Variants in SVEP1 observed in about 807,000 individuals in gnomAD.
SVEP1 encodes sushi, von Willebrand factor type A, EGF and pentraxin domain-containing protein 1.
Under a neutral mutation model 367.3 loss-of-function variants are expected in SVEP1, and 164 were observed. The observed-to-expected ratio is 0.45, with a 90% CI of 0.39 to 0.51. SVEP1 has a LOEUF of 0.51. Among genes scored for constraint, SVEP1 ranks in the 20% least tolerant of loss-of-function variants. The pLI, the probability that SVEP1 is intolerant of heterozygous loss-of-function variation, is 0.00. For synonymous variants in SVEP1, 1,666 were observed against 1,611.6 expected (o/e 1.03, Z -0.81); for missense variants, 4,117 against 4,425.3 (o/e 0.93, Z 1.98).
rs774939049 is a variant in SVEP1, at chr9:110,483,702, C to T, written c.1931-9G>A. The stretch of plus-strand genomic sequence containing the variant: ...GACAGGTGGTTCTGCATCTGAAGAA[C>T]ATGAAATCAGACAAAGAAGTCACAG... On this transcript the variant is annotated splice_polypyrimidine_tract_variant and intron_variant, in intron 9 of 47. Transcript: ENST00000374469. 8 of 1,569,328 alleles carry T rather than the reference C, an allele frequency of 5.1e-6. No homozygotes were observed. The highest frequency in any genetic ancestry group is 1.4e-5 in the African/African-American group (1 of 72,712).
intron 40 of SVEP1, among the ~76,000 whole-genome samples, chr9:110,397,492 A>T (rs965918078): frequency 6.6e-6 from 1 of 152,194 alleles, no homozygotes; most frequent in Non-Finnish European, 1.5e-5. Flanking sequence ...AGTTCTGGCC[A>T]GGGCAATCAG....
At chr9:110,445,212 T>C (rs937841975) in intron 26 of SVEP1, among the ~76,000 whole-genome samples, 67 of 152,304 alleles carry the variant, frequency 4.4e-4, no homozygotes, top group African/African-American at 1.5e-3. Flanking sequence ...ATGTGGACAG[T>C]TGGCCAACGA....
In SVEP1 at chr9:110,407,161, TCTC is replaced by T. The variant is rs1405773818; in HGVS notation, c.8436_8438del (p.Arg2813del). On this transcript the variant is annotated inframe_deletion, in exon 38 of 48. Transcript: ENST00000374469. ...CCCAGTTTTTGTCATCCTGGCATGTTCTCCTCTCAGTGCCATTCAGCACATATC... is the reference window on the plus strand; with the variant it reads ...CCCAGTTTTTGTCATCCTGGCATGTTCTCTCAGTGCCATTCAGCACATATC... 1 of 1,614,012 alleles carries T rather than the reference TCTC, an allele frequency of 6.2e-7. No homozygotes were observed. The highest frequency in any genetic ancestry group is 8.5e-7 in the Non-Finnish European group (1 of 1,179,886).
intron 1 of SVEP1, among the ~76,000 whole-genome samples, chr9:110,561,239 T>C (rs1830423218): frequency 6.6e-6 from 1 of 152,138 alleles, no homozygotes; most frequent in African/African-American, 2.4e-5. Context: ...CACCTCTGAT[T>C]TTTACTAGTT....
rs1827538399 is a variant in SVEP1 at position 110,387,206 on chromosome 9, T to TTCCTCTATGTTTTGGATATGC, written c.10060+58_10060+78dup. The TTCCTCTATGTTTTGGATATGC allele has an allele frequency of 7.7e-6, 11 of 1,434,706 alleles. No individual in the cohort carries two copies. The South Asian group carries it at 1.6e-4, about 20-fold the overall frequency. 88.9% of individuals were successfully genotyped at this position (1,434,706 alleles called of 1,614,324 possible). A position where few individuals can be genotyped will look rare whatever the true frequency, so the allele number is the denominator to read the frequency against. Reference sequence around the variant, plus strand: ...GGCCCATATCCCTTATGAGTGGAGCTTCCTCTATGTTTTGGATATGCGGGA... The same window carrying TTCCTCTATGTTTTGGATATGC: ...GGCCCATATCCCTTATGAGTGGAGCTTCCTCTATGTTTTGGATATGCTCCTCTATGTTTTGGATATGCGGGA... On this transcript the variant is annotated intron_variant, in intron 42 of 47. Coordinates refer to ENST00000374469, the MANE Select transcript of SVEP1 (RefSeq NM_153366.4).
At chr9:110,379,973 T>A (rs1278340012) in intron 43 of SVEP1, among the ~76,000 whole-genome samples, 1 of 152,248 alleles carries the variant, frequency 6.6e-6, no homozygotes, top group Non-Finnish European at 1.5e-5. Flanking sequence ...GTGCCTAGCA[T>A]GCAACATGCT....
intron 1 of SVEP1, among the ~76,000 whole-genome samples, chr9:110,568,816 C>T (rs995813766): frequency 4.8e-5 from 7 of 144,538 alleles, no homozygotes; most frequent in African/African-American, 1.8e-4. Context: ...ATTAGAAAGA[C>T]AGGCCAGGAG....
chr9:110,406,733 G>C lies in SVEP1; in HGVS notation c.8867C>G (p.Ala2956Gly). ...PVNCGPPEDL[A>G]HGFPNGFSFI... is the part of the protein sequence containing the mutation. ...GGAAAAACCATTAGGGAAACCATGGGCAAGATCTTCAGGAGGTCCACAGTT... is the reference window on the plus strand; with the variant it reads ...GGAAAAACCATTAGGGAAACCATGGCCAAGATCTTCAGGAGGTCCACAGTT... Residue 2956 changes from alanine to glycine, a missense_variant, in exon 38 of 48, where the codon GCC becomes GGC. Transcript: ENST00000374469. The C allele has an allele frequency of 3.1e-6, 5 of 1,614,008 alleles. No homozygotes were observed. The highest frequency in any genetic ancestry group is 4.2e-6 in the Non-Finnish European group (5 of 1,179,892).
At chr9:110,477,606 T>C (rs1027623312) in intron 13 of SVEP1, among the ~76,000 whole-genome samples, 10 of 152,108 alleles carry the variant, frequency 6.6e-5, no homozygotes, top group African/African-American at 1.4e-4. Flanking sequence ...CCGATCAAAA[T>C]TGAACTCAGA....
intron 1 of SVEP1, among the ~76,000 whole-genome samples, chr9:110,572,660 G>A (rs554388010): frequency 1.8e-4 from 28 of 151,954 alleles, no homozygotes; most frequent in Admixed American, 6.5e-4. Flanking sequence ...CCAGGAGTTC[G>A]AGACCAGCTC....
intron 1 of SVEP1, 53 bp downstream of exon 1, chr9:110,578,960 G>T: frequency 6.6e-7 from 1 of 1,525,464 alleles, no homozygotes; most frequent in Non-Finnish European, 8.8e-7. Flanking sequence ...AGGCAGCGGT[G>T]GGTCGAAGGG....
At chr9:110,576,376 G>A (rs1018793723) in intron 1 of SVEP1, among the ~76,000 whole-genome samples, 3 of 152,122 alleles carry the variant, frequency 2.0e-5, no homozygotes, top group South Asian at 2.1e-4. Flanking sequence ...CAAATTACAA[G>A]AGGATGTACA....
In SVEP1 at chr9:110,446,945, T is replaced by A. The variant is rs1392338635; in HGVS notation, c.4216A>T (p.Ser1406Cys). 6.5e-7 allele frequency: 1 copy of A among 1,544,814 alleles called. No individual in the cohort carries two copies. Among genetic ancestry groups the A allele is most frequent in the Non-Finnish European group, 8.7e-7 (1 of 1,144,556 alleles). The stretch of plus-strand genomic sequence containing the variant: ...GAAAATCCTGGCTGACATTTACAAC[T>A]GTATGAATTTAATTCATCCACACAG... ...ATCVDELNSY[S>C]CKCQPGFSGK... is the part of the protein sequence containing the mutation. The change falls in exon 25 of 48, where the codon AGT becomes TGT. Residue 1406 changes from serine to cysteine, a missense_variant. Coordinates refer to ENST00000374469, the MANE Select transcript of SVEP1 (RefSeq NM_153366.4).
rs148254422 is a variant in SVEP1 at position 110,546,654 on chromosome 9, G to A, written c.788-363C>T. ...AAAGCAGCAGCATTCCACTGCCTCT[G>A]GGTGAGGTCAGGCCCCAGCAACGAG... On this transcript the variant is annotated intron_variant, in intron 2 of 47. Coordinates refer to ENST00000374469, the MANE Select transcript of SVEP1 (RefSeq NM_153366.4). Among the ~76,000 whole-genome samples, 16 of 152,300 alleles carry A rather than the reference G, an allele frequency of 1.1e-4. No individual in the cohort carries two copies. In the East Asian group the frequency reaches 2.9e-3, roughly 28 times the overall value.
intron 40 of SVEP1, among the ~76,000 whole-genome samples, chr9:110,393,512 C>G (rs1827701080): frequency 6.6e-6 from 1 of 152,134 alleles, no homozygotes; most frequent in African/African-American, 2.4e-5. Context: ...TGGGGAGTGC[C>G]AGACAGTGGG....
At chr9:110,415,830 T>C (rs546124168) in intron 36 of SVEP1, among the ~76,000 whole-genome samples, 2 of 152,054 alleles carry the variant, frequency 1.3e-5, no homozygotes, top group East Asian at 3.9e-4. Context: ...AAAAGTAAAC[T>C]TGTGAATGGA....
At chr9:110,376,126 T>C (rs143141619) in intron 45 of SVEP1, among the ~76,000 whole-genome samples, 26 of 152,322 alleles carry the variant, frequency 1.7e-4, no homozygotes, top group African/African-American at 6.0e-4. Context: ...CTAACCCCAA[T>C]AGTCTTTGCA....
intron 3 of SVEP1, among the ~76,000 whole-genome samples, chr9:110,521,908 CTT>C (rs374458226): frequency 6.6e-6 from 1 of 152,128 alleles, no homozygotes; most frequent in African/African-American, 2.4e-5. Context: ...ATGTTTGACA[CTT>C]AGGTTGATTC....
At chr9:110,378,086 C>T (rs1166450177) in intron 44 of SVEP1, among the ~76,000 whole-genome samples, 1 of 151,720 alleles carries the variant, frequency 6.6e-6, no homozygotes, top group East Asian at 1.9e-4. Context: ...ATTGTATCTG[C>T]CTATTTTTAT....
Sources: gnomAD v4.1 joint callset for allele counts (sites outside exome capture counted in the v4.1 genomes callset) on GRCh38, gnomAD v4.1.1 for gene constraint, MANE v1.5 for transcripts, NCBI Gene and HGNC (gene_info 2026-07-23, HGNC 2026-07-21) for gene names.